The following CLEC2A variants were observed in gnomAD, a reference collection of about 807,000 sequenced individuals.
CLEC2A encodes the protein C-type lectin domain family 2 member A.
Under a neutral mutation model 18.6 loss-of-function variants are expected in CLEC2A, and 19 were observed. The observed-to-expected ratio is 1.02, with a 90% CI of 0.71 to 1.50. The LOEUF is 1.50. CLEC2A is among the 40% of genes most tolerant of loss of function. CLEC2A has a pLI of 0.00. For missense variants in CLEC2A, 190 were observed against 207.9 expected, an observed-to-expected ratio of 0.91 and a Z score of 0.53; for synonymous variants, 74 against 64.0, an observed-to-expected ratio of 1.16 and a Z score of -0.75.
chr12:9,897,105 C>A (rs1862765430), downstream of CLEC2A, among the ~76,000 whole-genome samples: 1 of 152,064 alleles, frequency 6.6e-6, no homozygotes, highest in Admixed American at 6.5e-5. Context: ...AGTGATCCAC[C>A]CGCCTCAGCC....
chr12:9,903,909 T>G (rs113770271), intron 4 of CLEC2A, among the ~76,000 whole-genome samples: 1 of 152,208 alleles, frequency 6.6e-6, no homozygotes, highest in African/African-American at 2.4e-5. Flanking sequence ...TGTTTTATGA[T>G]GCTTTGTTTT....
At chr12:9,892,869 C>A in the CLEC2A span, 10 of 566,526 alleles carry the variant, frequency 1.8e-5, no homozygotes, top group Admixed American at 3.2e-5. Context: ...CAGGCGTGAG[C>A]CACCGCGCCT....
At chr12:9,909,257 A>G (rs958805019), downstream of CLEC2A, among the ~76,000 whole-genome samples, 12 of 152,026 alleles carry the variant, frequency 7.9e-5, no homozygotes, top group African/African-American at 2.9e-4. Context: ...AGTTCTTTTT[A>G]TCATCATCTC....
the CLEC2A span, among the ~76,000 whole-genome samples, chr12:9,886,277 A>T: frequency 2.0e-5 from 3 of 152,164 alleles, no homozygotes; most frequent in African/African-American, 7.2e-5. Context: ...CATGGCTTCC[A>T]GTCAAAATGG....
chr12:9,878,970 T>C, the CLEC2A span, among the ~76,000 whole-genome samples: 1 of 152,106 alleles, frequency 6.6e-6, no homozygotes, highest in Non-Finnish European at 1.5e-5. Flanking sequence ...CTGTTGACTA[T>C]AGATGTATTG....
At chr12:9,884,772 CCTTGGTTTGGGATT>C in the CLEC2A span, among the ~76,000 whole-genome samples, 1 of 151,214 alleles carries the variant, frequency 6.6e-6, no homozygotes, top group Non-Finnish European at 1.5e-5. Flanking sequence ...AGTAGTATCT[CCTTGGTTTGGGATT>C]CTAGACTTTT....
At chr12:9,912,421 G>T (rs1028183602), downstream of CLEC2A, among the ~76,000 whole-genome samples, 1 of 152,146 alleles carries the variant, frequency 6.6e-6, no homozygotes, top group African/African-American at 2.4e-5. Context: ...AGAGTGACAG[G>T]GTTTGGGGGC....
At chr12:9,911,771 A>T (rs1355826665), downstream of CLEC2A, among the ~76,000 whole-genome samples, 1 of 152,122 alleles carries the variant, frequency 6.6e-6, no homozygotes, top group African/African-American at 2.4e-5. Flanking sequence ...GCAGAAGAAA[A>T]CCCAGTCCCT....
downstream of CLEC2A, among the ~76,000 whole-genome samples, chr12:9,910,333 G>A (rs955561271): frequency 6.6e-6 from 1 of 152,122 alleles, no homozygotes; most frequent in Non-Finnish European, 1.5e-5. Flanking sequence ...CCATCTTGGA[G>A]GTTTGGTATG....
chr12:9,920,995 G>A (rs1021882873), intron 3 of CLEC2A, among the ~76,000 whole-genome samples: 1 of 152,154 alleles, frequency 6.6e-6, no homozygotes, highest in Non-Finnish European at 1.5e-5. Flanking sequence ...ATGCATTGTG[G>A]TAAAGGACAT....
At chr12:9,920,882 T>A (rs558769345) in intron 3 of CLEC2A, among the ~76,000 whole-genome samples, 72 of 152,284 alleles carry the variant, frequency 4.7e-4, no homozygotes, top group Non-Finnish European at 8.1e-4. Flanking sequence ...TTTTTAAAAA[T>A]TTTTTCTGTC....
At chr12:9,888,874 C>A in the CLEC2A span, 3 of 655,120 alleles carry the variant, frequency 4.6e-6, no homozygotes, top group South Asian at 4.0e-5. Context: ...ACACAGTAAG[C>A]CAACAGCACT....
chr12:9,912,421 G>A (rs1028183602), downstream of CLEC2A, among the ~76,000 whole-genome samples: 1 of 152,030 alleles, frequency 6.6e-6, no homozygotes. Flanking sequence ...AGAGTGACAG[G>A]GTTTGGGGGC....
chr12:9,914,101 G>A (rs1863030639), intron 4 of CLEC2A, among the ~76,000 whole-genome samples: 1 of 152,050 alleles, frequency 6.6e-6, no homozygotes, highest in African/African-American at 2.4e-5. Flanking sequence ...CATAATTTTA[G>A]GCAATGTACT....
chr12:9,915,478 T>TA (rs996889926), intron 4 of CLEC2A, among the ~76,000 whole-genome samples: 5 of 151,388 alleles, frequency 3.3e-5, no homozygotes, highest in South Asian at 2.1e-4. Flanking sequence ...ATAGACTGGT[T>TA]AAAAAAAAAT....
At chr12:9,912,319 C>T (rs144789152), downstream of CLEC2A, among the ~76,000 whole-genome samples, 13 of 152,180 alleles carry the variant, frequency 8.5e-5, no homozygotes, top group Admixed American at 7.2e-4. Context: ...GCCGTGAGTC[C>T]CAACCCCTGC....
chr12:9,896,858 ATT>A (rs764556099), downstream of CLEC2A, among the ~76,000 whole-genome samples: 23 of 135,926 alleles, frequency 1.7e-4, no homozygotes, highest in Non-Finnish European at 1.4e-4. Flanking sequence ...CAGTCTCTTA[ATT>A]TTTTTTTTTT....
the CLEC2A span, among the ~76,000 whole-genome samples, chr12:9,886,421 A>C: frequency 5.3e-5 from 8 of 152,172 alleles, no homozygotes; most frequent in Admixed American, 5.2e-4. Flanking sequence ...GAAAATGAAA[A>C]GTGGATAGCA....
In CLEC2A at chr12:9,916,758, G is replaced by C. The variant is rs1863079136; in HGVS notation, c.352C>G (p.Leu118Val). 1.9e-6 allele frequency: 3 copies of C among 1,551,252 alleles called. No individual in the cohort carries two copies. The East Asian group carries it at 7.3e-5, about 38-fold the overall frequency. The change falls in exon 4 of 5, where the codon CTA becomes GTA. Residue 118 changes from leucine to valine, a missense_variant. Coordinates refer to ENST00000455827, the MANE Select transcript of CLEC2A (RefSeq NM_001130711.2). ...YAGTDMHWIG[L>V]SRKQGDSWKW... ...CAAGAATCTCCTTGTTTCCTGCTTA[G>C]TCCAATCCAGTGCATATCAGTTCCT...
Sources: allele counts gnomAD v4.1 joint callset (sites outside exome capture counted in the v4.1 genomes callset), GRCh38; gene constraint gnomAD v4.1.1; transcripts MANE v1.5; gene names NCBI Gene and HGNC (gene_info 2026-07-23, HGNC 2026-07-21).